The following PARD3B variants were observed in gnomAD, a reference collection of about 807,000 sequenced individuals.
PARD3B encodes the protein par-3 family cell polarity regulator beta.
A neutral mutation model predicts 130.2 loss-of-function variants in PARD3B; 103 were observed. The observed-to-expected ratio is 0.79, with a 90% CI of 0.67 to 0.93. PARD3B has a LOEUF of 0.93. Among genes scored for constraint, PARD3B ranks in the 40% least tolerant of loss-of-function variants. The probability of loss-of-function intolerance (pLI) is 0.00; values close to 1 mark genes in which losing one functional copy is unlikely to be tolerated. For synonymous variants in PARD3B, 583 were observed against 553.2 expected, an observed-to-expected ratio of 1.05 and a Z score of -0.76; for missense variants, 1,609 against 1,499.2, an observed-to-expected ratio of 1.07 and a Z score of -1.21.
At chr2:205,302,895 G>A (rs1399705197) in intron 18 of PARD3B, among the ~76,000 whole-genome samples, 1 of 152,168 alleles carries the variant, frequency 6.6e-6, no homozygotes, top group Non-Finnish European at 1.5e-5. Context: ...TTGCTCTACT[G>A]ACCCAGCACA....
At chr2:204,687,636 G>A (rs907541966) in intron 2 of PARD3B, among the ~76,000 whole-genome samples, 1 of 152,100 alleles carries the variant, frequency 6.6e-6, no homozygotes, top group African/African-American at 2.4e-5. Context: ...TGGTCTCAGG[G>A]TAAATAAAAG....
At chr2:205,179,275 A>G (rs749790423) in intron 13 of PARD3B, among the ~76,000 whole-genome samples, 1 of 152,234 alleles carries the variant, frequency 6.6e-6, no homozygotes, top group Non-Finnish European at 1.5e-5. Context: ...TTTATAAAGT[A>G]ACAAAGTTAC....
At chr2:205,538,945 G>C (rs528532244) in intron 21 of PARD3B, among the ~76,000 whole-genome samples, 5 of 152,272 alleles carry the variant, frequency 3.3e-5, no homozygotes, top group African/African-American at 1.2e-4. Context: ...TCATCTGAGT[G>C]GGTATTACTA....
chr2:205,391,442 A>G (rs906783203), intron 18 of PARD3B, among the ~76,000 whole-genome samples: 3 of 152,248 alleles, frequency 2.0e-5, no homozygotes, highest in Admixed American at 6.5e-5. Flanking sequence ...GGAAGAAGAC[A>G]TATTTTCTAC....
At position 204,610,993 on chromosome 2, in the gene PARD3B, C is replaced by T. The variant is rs2033899433; in HGVS notation, c.120+64874C>T. On this transcript the variant is annotated intron_variant, in intron 1 of 22. Transcript: ENST00000406610. This position sits in a 1 kb window ranked among gnomAD's most constrained non-coding sequence, Gnocchi z 4.1. ...CTTTTCGAAATCATTTCTCTCATAC[C>T]ATCCCTCCAGCAGCGGTCAGAGAAT... Among the ~76,000 whole-genome samples, 1 of 152,134 alleles carries T rather than the reference C, an allele frequency of 6.6e-6. No individual in the cohort carries two copies. The highest frequency in any genetic ancestry group is 2.4e-5 in the African/African-American group (1 of 41,424).
chr2:205,522,046 ATTAT>A (rs756944615), intron 21 of PARD3B, among the ~76,000 whole-genome samples: 15 of 151,772 alleles, frequency 9.9e-5, no homozygotes, highest in Non-Finnish European at 2.1e-4. Context: ...TTTCTGTAAA[ATTAT>A]ATCTCTTTGA....
chr2:204,922,237 G>T (rs1481379378), intron 2 of PARD3B, among the ~76,000 whole-genome samples: 3 of 152,088 alleles, frequency 2.0e-5, no homozygotes, highest in East Asian at 3.9e-4. Context: ...TTCAGGGAGA[G>T]AATATAAAGC....
intron 19 of PARD3B, among the ~76,000 whole-genome samples, chr2:205,411,920 C>T (rs1232923724): frequency 2.0e-5 from 3 of 152,102 alleles, no homozygotes; most frequent in Admixed American, 2.0e-4. Context: ...TGGGTGACTG[C>T]CAGCCTCTCC....
chr2:204,659,351 C>G (rs118052746), intron 1 of PARD3B, among the ~76,000 whole-genome samples: 2 of 152,098 alleles, frequency 1.3e-5, no homozygotes, highest in African/African-American at 2.4e-5. Flanking sequence ...TTGAGAGATG[C>G]GCCAAGATAT....
At chr2:205,143,675 C>G (rs964663759) in intron 10 of PARD3B, among the ~76,000 whole-genome samples, 1 of 152,054 alleles carries the variant, frequency 6.6e-6, no homozygotes, top group Non-Finnish European at 1.5e-5. Flanking sequence ...TTCAGTAGCC[C>G]GAGCCAGTAT....
chr2:204,792,028 G>C (rs1008219015), intron 2 of PARD3B, among the ~76,000 whole-genome samples: 1 of 152,080 alleles, frequency 6.6e-6, no homozygotes, highest in Non-Finnish European at 1.5e-5. Context: ...ATGCATACAG[G>C]GATATGGCTT....
At chr2:205,514,014 G>GTAAT (rs545226196) in intron 21 of PARD3B, among the ~76,000 whole-genome samples, 48 of 152,152 alleles carry the variant, frequency 3.2e-4, no homozygotes, top group African/African-American at 1.1e-3. Context: ...ATTGCCCTTT[G>GTAAT]TAATTTCAAA....
chr2:205,306,086 G>A (rs957076143), intron 18 of PARD3B, among the ~76,000 whole-genome samples: 4 of 152,164 alleles, frequency 2.6e-5, no homozygotes, highest in Admixed American at 2.6e-4. Context: ...TGGAAATGAG[G>A]TACAGAGAAA....
At chr2:204,713,423 T>G (rs1264714367) in intron 2 of PARD3B, among the ~76,000 whole-genome samples, 1 of 142,050 alleles carries the variant, frequency 7.0e-6, no homozygotes, top group African/African-American at 3.1e-5. Flanking sequence ...ACCATAAAAT[T>G]TACCATTTTT....
Position 205,128,527 on chromosome 2 carries a change from T to C in PARD3B, c.1434+2790T>C, listed in dbSNP as rs1318448712. 1.3e-5 allele frequency among the ~76,000 whole-genome samples: 2 copies of C among 152,348 alleles called. No homozygotes were observed. Among genetic ancestry groups the C allele is most frequent in the African/African-American group, 4.8e-5 (2 of 41,584 alleles). On this transcript the variant is annotated intron_variant, in intron 10 of 22. Transcript: ENST00000406610. This position sits in a 1 kb window ranked among gnomAD's most constrained non-coding sequence, Gnocchi z 4.5. ...TTCTGTATCCACCACTTACTAGCTGTGTGATGTAGAGCCATTCGGAACATC... is the reference window on the plus strand; with the variant it reads ...TTCTGTATCCACCACTTACTAGCTGCGTGATGTAGAGCCATTCGGAACATC...
intron 2 of PARD3B, among the ~76,000 whole-genome samples, chr2:204,764,733 T>TGTGTGTGTGTGC (rs2041067137): frequency 6.6e-6 from 1 of 151,742 alleles, no homozygotes; most frequent in Non-Finnish European, 1.5e-5. Context: ...TGTGTGTGTG[T>TGTGTGTGTGTGC]GTGTGTGTGT....
intron 11 of PARD3B, among the ~76,000 whole-genome samples, chr2:205,167,679 T>G (rs2034897705): frequency 6.6e-6 from 1 of 152,210 alleles, no homozygotes; most frequent in African/African-American, 2.4e-5. Context: ...GTCATTAATA[T>G]AGTGCCTTTA....
chr2:205,205,108 T>C (rs2037210502), intron 15 of PARD3B, among the ~76,000 whole-genome samples: 1 of 152,058 alleles, frequency 6.6e-6, no homozygotes. Flanking sequence ...ATTTGTTTGT[T>C]TCCCCTCTTA....
At chr2:204,982,663 A>G (rs1209771376) in intron 3 of PARD3B, among the ~76,000 whole-genome samples, 1 of 152,226 alleles carries the variant, frequency 6.6e-6, no homozygotes, top group Non-Finnish European at 1.5e-5. Context: ...GATTTTAATT[A>G]GGTATATGGT....
Sources: allele counts gnomAD v4.1 joint callset (sites outside exome capture counted in the v4.1 genomes callset), GRCh38; gene constraint gnomAD v4.1.1; non-coding constraint Gnocchi (gnomAD v3.1); transcripts MANE v1.5; gene names NCBI Gene and HGNC (gene_info 2026-07-23, HGNC 2026-07-21).